PRKCA: variants seen among roughly 807,000 people sequenced by gnomAD.
PRKCA encodes protein kinase C alpha.
PRKCA carries 27 observed loss-of-function variants against 87.0 expected under a neutral mutation model. That is an observed-to-expected ratio of 0.31 (90% CI 0.23 to 0.43). The LOEUF is 0.43. Ranked by LOEUF, PRKCA falls within the 20% of genes least tolerant of loss-of-function variation. The pLI is 1.00. For synonymous variants in PRKCA, 329 were observed against 311.1 expected, an observed-to-expected ratio of 1.06 and a Z score of -0.61; for missense variants, 518 against 852.3, an observed-to-expected ratio of 0.61 and a Z score of 4.88.
chr17:66,610,321 CAGAG>C (rs1970322511), intron 3 of PRKCA, among the ~76,000 whole-genome samples: 1 of 152,224 alleles, frequency 6.6e-6, no homozygotes, highest in Non-Finnish European at 1.5e-5. Flanking sequence ...CCACCATCAA[CAGAG>C]CTTTCTGAAC....
chr17:66,443,818 C>T (rs534307789), intron 2 of PRKCA, among the ~76,000 whole-genome samples: 1 of 152,274 alleles, frequency 6.6e-6, no homozygotes, highest in Admixed American at 6.5e-5. Context: ...ATGTTCTCTG[C>T]TTGCAGAGGC....
At chr17:66,432,738 G>T (rs537199268) in intron 2 of PRKCA, among the ~76,000 whole-genome samples, 2 of 152,234 alleles carry the variant, frequency 1.3e-5, no homozygotes, top group African/African-American at 4.8e-5. Flanking sequence ...TTTGTTGATT[G>T]AATAAGTGAT....
Position 66,741,683 on chromosome 17 carries a change from C to T in PRKCA, c.1347C>T (p.Ile449=), listed in dbSNP as rs770561487. The part of the protein sequence containing the change: ...QAVFYAAEIS[I]GLFFLHKRGI... ...GATTCTATGCGGCAGAGATTTCCAT[C>T]GGATTGTTCTTTCTTCATAAAAGAG... The change falls in exon 12 of 17, where the codon ATC becomes ATT. Residue 449 remains isoleucine (I), a synonymous_variant. Coordinates refer to ENST00000413366, the MANE Select transcript of PRKCA (RefSeq NM_002737.3). The T allele has an allele frequency of 1.4e-5, 22 of 1,614,130 alleles. No individual in the cohort carries two copies. The highest frequency in any genetic ancestry group is 2.2e-5 in the East Asian group (1 of 44,876).
At chr17:66,719,830 A>G (rs530487809) in intron 8 of PRKCA, among the ~76,000 whole-genome samples, 8 of 152,242 alleles carry the variant, frequency 5.3e-5, no homozygotes, top group African/African-American at 1.9e-4. Flanking sequence ...TGATGTATCC[A>G]TGCCTGTTAG....
chr17:66,339,802 A>AC (rs1201654799), intron 2 of PRKCA: 1 of 152,184 alleles, frequency 6.6e-6, no homozygotes, highest in African/African-American at 2.4e-5. Context: ...TGCCGAGCAA[A>AC]CAGTGGCAGC....
intron 2 of PRKCA, among the ~76,000 whole-genome samples, chr17:66,465,562 ATT>A (rs113385632): frequency 2.1e-5 from 3 of 143,926 alleles, no homozygotes; most frequent in African/African-American, 2.5e-5. Flanking sequence ...TGGCTAGTTA[ATT>A]TTTTTTTTTT....
intron 3 of PRKCA, among the ~76,000 whole-genome samples, chr17:66,615,690 C>T (rs1341906427): frequency 6.6e-6 from 1 of 152,178 alleles, no homozygotes; most frequent in Non-Finnish European, 1.5e-5. Flanking sequence ...AGCAAACCCA[C>T]AGATAGTAAC....
At chr17:66,630,415 T>C (rs877447) in intron 3 of PRKCA, among the ~76,000 whole-genome samples, 81,110 of 152,072 alleles carry the variant, frequency 0.53, 21,793 homozygotes, top group African/African-American at 0.6. Flanking sequence ...CCCATTGCTA[T>C]GTGACTTGTA....
At chr17:66,306,228 G>T in intron 2 of PRKCA, 101 bp downstream of exon 2, 6 of 1,264,436 alleles carry the variant, frequency 4.7e-6, no homozygotes, top group Admixed American at 4.7e-5. Flanking sequence ...ATAAAAAAAT[G>T]TTATTTAGAT....
At chr17:66,422,578 G>C (rs958144246) in intron 2 of PRKCA, among the ~76,000 whole-genome samples, 2 of 152,168 alleles carry the variant, frequency 1.3e-5, no homozygotes, top group Non-Finnish European at 2.9e-5. Flanking sequence ...TGGCTTCAGG[G>C]CTCTGTGCAA....
chr17:66,435,625 GT>G (rs1318157220), intron 2 of PRKCA, among the ~76,000 whole-genome samples: 1 of 152,192 alleles, frequency 6.6e-6, no homozygotes, highest in Non-Finnish European at 1.5e-5. Flanking sequence ...GGGAGAAAAA[GT>G]GTTATATAAA....
chr17:66,369,287 A>G (rs1400786115), intron 2 of PRKCA, among the ~76,000 whole-genome samples: 1 of 152,178 alleles, frequency 6.6e-6, no homozygotes, highest in East Asian at 1.9e-4. Flanking sequence ...ATGAGGTCCA[A>G]GATATCCCAG....
intron 3 of PRKCA, chr17:66,640,877 C>T (rs770881029): frequency 4.7e-6 from 2 of 425,320 alleles, no homozygotes; most frequent in African/African-American, 2.1e-5. Context: ...AAACATGATG[C>T]GGGCCAGGTG....
chr17:66,419,459 G>A (rs1247253494), intron 2 of PRKCA, among the ~76,000 whole-genome samples: 1 of 151,910 alleles, frequency 6.6e-6, no homozygotes, highest in African/African-American at 2.4e-5. Flanking sequence ...ATATAATTTG[G>A]TCACCAAAAA....
chr17:66,430,508 T>A (rs984841409), intron 2 of PRKCA, among the ~76,000 whole-genome samples: 3 of 151,912 alleles, frequency 2.0e-5, no homozygotes, highest in African/African-American at 7.2e-5. Context: ...CCTCCCCTAT[T>A]CTTAAGGGGT....
intron 4 of PRKCA, 105 bp from the exon 5 acceptor site, chr17:66,645,278 G>C: frequency 6.7e-7 from 1 of 1,490,022 alleles, no homozygotes; most frequent in Non-Finnish European, 9.2e-7. Context: ...GCAAAGTATC[G>C]AGTTGGGGGT....
At chr17:66,653,068 C>A (rs1369143649) in intron 5 of PRKCA, among the ~76,000 whole-genome samples, 1 of 152,224 alleles carries the variant, frequency 6.6e-6, no homozygotes, top group Non-Finnish European at 1.5e-5. Flanking sequence ...CTTAGAGCCA[C>A]CTGGGACTGG....
chr17:66,594,611 G>GT (rs1555624241), intron 3 of PRKCA, among the ~76,000 whole-genome samples: 19,214 of 151,344 alleles, frequency 0.13, 1,840 homozygotes, highest in African/African-American at 0.26. Context: ...CAACATGTGG[G>GT]TTTTTTTTTA....
chr17:66,724,681 GTGTT>G (rs1567997265), intron 8 of PRKCA, among the ~76,000 whole-genome samples: 1 of 152,242 alleles, frequency 6.6e-6, no homozygotes, highest in African/African-American at 2.4e-5. Context: ...ACGTTGGGCC[GTGTT>G]TGTATTGCTG....
Sources: allele counts gnomAD v4.1 joint callset (sites outside exome capture counted in the v4.1 genomes callset), GRCh38; gene constraint gnomAD v4.1.1; transcripts MANE v1.5; gene names NCBI Gene and HGNC (gene_info 2026-07-23, HGNC 2026-07-21).